Variants in ADAMTS19 observed in about 807,000 individuals in gnomAD.
ADAMTS19 encodes ADAM metallopeptidase with thrombospondin type 1 motif 19, also known as A disintegrin and metalloproteinase with thrombospondin motifs 19.
A neutral mutation model predicts 153.3 loss-of-function variants in ADAMTS19; 93 were observed. The ratio of observed to expected loss-of-function variants is 0.61; its 90% CI spans 0.51 to 0.72. ADAMTS19 has a LOEUF of 0.72. Among genes scored for constraint, ADAMTS19 ranks in the 30% least tolerant of loss-of-function variants. The pLI, the probability that ADAMTS19 is intolerant of heterozygous loss-of-function variation, is 0.00. For missense variants in ADAMTS19, 1,482 were observed against 1,552.1 expected, an observed-to-expected ratio of 0.95 and a Z score of 0.76; for synonymous variants, 600 against 556.6, an observed-to-expected ratio of 1.08 and a Z score of -1.10.
chr5:129,464,900 T>C, intron 2 of ADAMTS19, among the ~76,000 whole-genome samples: 1 of 152,200 alleles, frequency 6.6e-6, no homozygotes, highest in Non-Finnish European at 1.5e-5. Flanking sequence ...CATGCAAATA[T>C]ACTACCACTA....
chr5:129,693,537 AG>A (rs1755427614), intron 18 of ADAMTS19, among the ~76,000 whole-genome samples: 1 of 152,188 alleles, frequency 6.6e-6, no homozygotes, highest in African/African-American at 2.4e-5. Context: ...ACTGTCTTAT[AG>A]TGTCAAACAA....
chr5:129,642,645 A>T (rs1164508970), intron 11 of ADAMTS19, among the ~76,000 whole-genome samples: 1 of 152,228 alleles, frequency 6.6e-6, no homozygotes, highest in East Asian at 1.9e-4. Context: ...GTGATGGGAA[A>T]GTAGAATTGT....
chr5:129,606,497 C>T (rs1333992323), intron 8 of ADAMTS19, among the ~76,000 whole-genome samples: 1 of 152,208 alleles, frequency 6.6e-6, no homozygotes, highest in Non-Finnish European at 1.5e-5. Context: ...TGGACTCTTG[C>T]AGTATCCACT....
intron 2 of ADAMTS19, among the ~76,000 whole-genome samples, chr5:129,497,581 G>A (rs1173582046): frequency 2.0e-5 from 3 of 152,066 alleles, no homozygotes; most frequent in Non-Finnish European, 4.4e-5. Flanking sequence ...TCAGCTCCAT[G>A]ATTTGACTTT....
chr5:129,461,776 T>C lies in ADAMTS19; in HGVS notation c.747+19T>C. 6.8e-7 allele frequency: 1 copy of C among 1,475,610 alleles called. No homozygotes were observed. Among genetic ancestry groups the C allele is most frequent in the Non-Finnish European group, 8.9e-7 (1 of 1,121,950 alleles). 91.4% of individuals were successfully genotyped at this position (1,475,610 alleles called of 1,614,324 possible). A position where few individuals can be genotyped will look rare whatever the true frequency, so the allele number is the denominator to read the frequency against. The stretch of plus-strand genomic sequence containing the variant: ...TGGCCTGGTAAGCGCCTTCTTTCCC[T>C]AGCTCTCCATTTTCCCCTGCTGCTC... On this transcript the variant is annotated intron_variant, in intron 2 of 22. Transcript: ENST00000274487. This position sits in a 1 kb window ranked among gnomAD's most constrained non-coding sequence, Gnocchi z 4.6.
Position 129,608,114 on chromosome 5 carries a change from G to GTATATA in ADAMTS19, c.1478+11451_1478+11452insATATAT, listed in dbSNP as rs1235116462. ...TATGTGTGTGTGTGTGTGTGTGTGT[G>GTATATA]TGTATATATATATATATATATATAT... On this transcript the variant is annotated intron_variant, in intron 8 of 22. Coordinates refer to ENST00000274487, the MANE Select transcript of ADAMTS19 (RefSeq NM_133638.6). Among the ~76,000 whole-genome samples, 182 of 28,716 alleles carry GTATATA rather than the reference G, an allele frequency of 6.3e-3. 1 individual carries two copies. The highest frequency in any genetic ancestry group is 8.9e-3 in the East Asian group (11 of 1,240). 18.8% of individuals were successfully genotyped at this position (28,716 alleles called of 152,430 possible).
intron 7 of ADAMTS19, among the ~76,000 whole-genome samples, chr5:129,555,402 AAC>A (rs1753279406): frequency 6.6e-6 from 1 of 152,144 alleles, no homozygotes; most frequent in Non-Finnish European, 1.5e-5. Flanking sequence ...TCAAAATCTG[AAC>A]TCCCTAGTTT....
chr5:129,461,639 C>T lies in ADAMTS19; in HGVS notation c.629C>T (p.Thr210Met), dbSNP rs772541574. 8 of 1,529,102 alleles carry T rather than the reference C, an allele frequency of 5.2e-6. No individual in the cohort carries two copies. In the South Asian group the frequency reaches 8.4e-5, roughly 16 times the overall value. 94.7% of individuals were successfully genotyped at this position (1,529,102 alleles called of 1,614,324 possible). The stretch of plus-strand genomic sequence containing the variant: ...CGGCCAAATCCCGGCCCCGGCCCCA[C>T]GGGGGCAGCATCCGCCCCGCAACCT... The part of the protein sequence containing the change: ...EQRPNPGPGP[T>M]GAASAPQPPA... Residue 210 changes from threonine (T) to methionine (M), a missense_variant, in exon 2 of 23, where the codon ACG (threonine) becomes ATG (methionine). Physicochemically the swap from Thr to Met is moderately conservative, Grantham distance 81 (BLOSUM62 -1). Around this residue, in one of 2 missense-constraint regions of ADAMTS19, gnomAD observed 866 missense variants for 827.7 expected, o/e 1.05. Coordinates refer to ENST00000274487, the MANE Select transcript of ADAMTS19 (RefSeq NM_133638.6). This position sits in a 1 kb window ranked among gnomAD's most constrained non-coding sequence, Gnocchi z 4.6.
intron 21 of ADAMTS19, 120 bp from the exon 22 acceptor site, chr5:129,734,812 A>T: frequency 1.2e-6 from 1 of 866,492 alleles, no homozygotes. Flanking sequence ...TTGACTGTGG[A>T]TGTTGCAGCT....
At position 129,738,210 on chromosome 5, in the gene ADAMTS19, A is replaced by G. The variant is rs1757754415; in HGVS notation, c.*992A>G. 1 of 152,124 alleles carries G rather than the reference A, an allele frequency of 6.6e-6. No individual in the cohort carries two copies. Among genetic ancestry groups the G allele is most frequent in the Admixed American group, 6.6e-5 (1 of 15,236 alleles). The allele number at this position is 152,124 out of a possible 1,614,324, so 9.4% of individuals were successfully genotyped here. A position where few individuals can be genotyped will look rare whatever the true frequency, so the allele number is the denominator to read the frequency against. On this transcript the variant is annotated 3_prime_UTR_variant, in exon 23 of 23. Transcript: ENST00000274487. ...TCATTGTGTTTTTCTTCCTTTTAAA[A>G]ATTAAAAAGTTTTACAATTATGTGA... is the stretch of plus-strand genomic sequence containing the variant.
intron 21 of ADAMTS19, among the ~76,000 whole-genome samples, chr5:129,706,384 A>G (rs953994080): frequency 1.3e-5 from 2 of 152,184 alleles, no homozygotes; most frequent in African/African-American, 4.8e-5. Context: ...AGCCTGGCCA[A>G]CATGGAGAAA....
chr5:129,628,007 T>C (rs1273298480), intron 10 of ADAMTS19, among the ~76,000 whole-genome samples: 1 of 152,116 alleles, frequency 6.6e-6, no homozygotes, highest in Admixed American at 6.6e-5. Flanking sequence ...CATGTGGATG[T>C]TCACTGCAGC....
intron 21 of ADAMTS19, among the ~76,000 whole-genome samples, chr5:129,714,375 C>T (rs1756621836): frequency 6.9e-6 from 1 of 144,062 alleles, no homozygotes; most frequent in Non-Finnish European, 1.5e-5. Flanking sequence ...GCCGAGATTG[C>T]GCCACTGCAG....
rs1327164139 is a variant in ADAMTS19 at position 129,461,325 on chromosome 5, A to T, written c.315A>T (p.Ser105=). The part of the protein sequence containing the change: ...VPLEEPVEGR[S]ESRLRPPPPS... ...TGGAGGAGCCCGTGGAGGGCCGATC[A>T]GAGTCCCGGCTCCGGCCCCCGCCGC... Residue 105 remains serine (S), a synonymous_variant, in exon 2 of 23, where the codon TCA becomes TCT. Transcript: ENST00000274487. The surrounding 1 kb of genome is among the most constrained non-coding windows in gnomAD (Gnocchi z 4.6). The T allele has an allele frequency of 3.8e-6, 5 of 1,328,776 alleles. No individual in the cohort carries two copies. The highest frequency in any genetic ancestry group is 3.8e-6 in the Non-Finnish European group (4 of 1,048,236). 82.3% of individuals were successfully genotyped at this position (1,328,776 alleles called of 1,614,324 possible).
At chr5:129,583,176 T>C (rs982317496) in intron 7 of ADAMTS19, among the ~76,000 whole-genome samples, 2 of 152,186 alleles carry the variant, frequency 1.3e-5, no homozygotes, top group African/African-American at 4.8e-5. Flanking sequence ...TGAAGCTTAG[T>C]TTGGCTGGAT....
intron 2 of ADAMTS19, among the ~76,000 whole-genome samples, chr5:129,463,298 C>T (rs1749749808): frequency 6.6e-6 from 1 of 151,716 alleles, no homozygotes; most frequent in African/African-American, 2.4e-5. Flanking sequence ...TTCCTTCTCT[C>T]CATACTTAAG....
At chr5:129,514,221 G>C (rs538580989) in intron 3 of ADAMTS19, among the ~76,000 whole-genome samples, 2 of 152,178 alleles carry the variant, frequency 1.3e-5, no homozygotes, top group East Asian at 3.9e-4. Flanking sequence ...CCAAATCTTA[G>C]CTATTGTAAA....
At chr5:129,681,324 A>C (rs1754800877) in intron 17 of ADAMTS19, among the ~76,000 whole-genome samples, 1 of 152,178 alleles carries the variant, frequency 6.6e-6, no homozygotes, top group Non-Finnish European at 1.5e-5. Flanking sequence ...CACATTTTAA[A>C]TTACAAGGTT....
At chr5:129,560,484 T>C (rs1253189728) in intron 7 of ADAMTS19, among the ~76,000 whole-genome samples, 2 of 152,168 alleles carry the variant, frequency 1.3e-5, no homozygotes, top group African/African-American at 4.8e-5. Flanking sequence ...GGATCTGAGA[T>C]TGGCAAATGC....
Sources: gnomAD v4.1 joint callset for allele counts (sites outside exome capture counted in the v4.1 genomes callset) on GRCh38, gnomAD v4.1.1 for gene constraint, gnomAD v4.1.1 regional missense constraint, Gnocchi (gnomAD v3.1) non-coding constraint, MANE v1.5 for transcripts, NCBI Gene and HGNC (gene_info 2026-07-23, HGNC 2026-07-21) for gene names.